TXNDC11: variants seen among roughly 807,000 people sequenced by gnomAD.
TXNDC11 encodes the protein thioredoxin domain-containing protein 11.
Under a neutral mutation model 78.0 loss-of-function variants are expected in TXNDC11, and 68 were observed. That is an observed-to-expected ratio of 0.87 (90% CI 0.72 to 1.07). The LOEUF (loss-of-function observed/expected upper bound fraction) is 1.07, where lower values mean the gene tolerates loss of function less well. TXNDC11 is among the 50% of genes least tolerant of loss of function. TXNDC11 has a pLI of 0.00. For synonymous variants in TXNDC11, 571 were observed against 495.2 expected, an observed-to-expected ratio of 1.15 and a Z score of -2.03; for missense variants, 1,389 against 1,221.8, an observed-to-expected ratio of 1.14 and a Z score of -2.04.
chr16:11,683,400 C>T (rs554432600), intron 11 of TXNDC11, among the ~76,000 whole-genome samples: 2 of 152,258 alleles, frequency 1.3e-5, no homozygotes, highest in Admixed American at 6.5e-5. Flanking sequence ...GAGAAAAGGA[C>T]GTGCCATGGG....
At chr16:11,698,838 C>T (rs1213206271) in intron 6 of TXNDC11, among the ~76,000 whole-genome samples, 2 of 152,174 alleles carry the variant, frequency 1.3e-5, no homozygotes, top group Non-Finnish European at 2.9e-5. Flanking sequence ...TAGACGAACA[C>T]CAGGCACACA....
chr16:11,713,824 T>C (rs1389803583), intron 5 of TXNDC11, among the ~76,000 whole-genome samples: 1 of 151,978 alleles, frequency 6.6e-6, no homozygotes, highest in African/African-American at 2.4e-5. Flanking sequence ...TGAGTGAGTA[T>C]AGTGACAACA....
rs1331289994 is a variant in TXNDC11 at position 11,736,368 on chromosome 16, A to G, written c.255-135T>C. On this transcript the variant is annotated intron_variant, in intron 1 of 11. Coordinates refer to ENST00000283033, the MANE Select transcript of TXNDC11 (RefSeq NM_015914.7). Reference sequence around the variant, plus strand: ...TGGAGTCCCAAAATCACTGCCCTAGAAAGGCAACATCTGGCTGAGCAAATG... The same window carrying G: ...TGGAGTCCCAAAATCACTGCCCTAGGAAGGCAACATCTGGCTGAGCAAATG... The G allele has an allele frequency of 6.0e-6, 4 of 670,146 alleles. No individual in the cohort carries two copies. The African/African-American group carries it at 7.2e-5, about 12-fold the overall frequency. 41.5% of individuals were successfully genotyped at this position (670,146 alleles called of 1,614,324 possible). A position where few individuals can be genotyped will look rare whatever the true frequency, so the allele number is the denominator to read the frequency against.
At chr16:11,730,612 G>C in intron 4 of TXNDC11, 33 bp downstream of exon 4, 4 of 1,607,450 alleles carry the variant, frequency 2.5e-6, no homozygotes, top group Middle Eastern at 1.7e-4. Flanking sequence ...GAAAGGCCTT[G>C]AGTATGGAGG....
rs1597400601 is a variant in TXNDC11, at chr16:11,684,061, C to T, written c.2234+104G>A. 3 of 829,158 alleles carry T rather than the reference C, an allele frequency of 3.6e-6. No homozygotes were observed. The East Asian group carries it at 8.6e-5, about 24-fold the overall frequency. 51.4% of individuals were successfully genotyped at this position (829,158 alleles called of 1,614,324 possible). The stretch of plus-strand genomic sequence containing the variant: ...CCACCACGCCTGGTTCCTAAGGGAA[C>T]ATTTTTTGAACATAATGAATGATTT... On this transcript the variant is annotated intron_variant, in intron 11 of 11. Coordinates refer to ENST00000283033, the MANE Select transcript of TXNDC11 (RefSeq NM_015914.7).
intron 4 of TXNDC11, among the ~76,000 whole-genome samples, chr16:11,726,849 G>A (rs2051894927): frequency 6.6e-6 from 1 of 152,046 alleles, no homozygotes; most frequent in African/African-American, 2.4e-5. Context: ...GAGGCTAGGA[G>A]TTCAAGACCA....
At chr16:11,735,240 C>G (rs1469383270) in intron 2 of TXNDC11, among the ~76,000 whole-genome samples, 1 of 152,172 alleles carries the variant, frequency 6.6e-6, no homozygotes, top group Admixed American at 6.5e-5. Context: ...AAGTCACCAA[C>G]ATATCACCTT....
At chr16:11,692,782 G>A (rs905631025) in intron 7 of TXNDC11, among the ~76,000 whole-genome samples, 8 of 152,064 alleles carry the variant, frequency 5.3e-5, no homozygotes, top group African/African-American at 1.9e-4. Context: ...CAAATGGTAC[G>A]CTGCCCATGA....
At chr16:11,696,654 G>C (rs986690125) in intron 7 of TXNDC11, among the ~76,000 whole-genome samples, 12 of 152,192 alleles carry the variant, frequency 7.9e-5, no homozygotes, top group African/African-American at 2.4e-4. Context: ...GAAGTTAAGG[G>C]AACGCACTCA....
At chr16:11,714,369 G>A (rs373739885) in intron 5 of TXNDC11, among the ~76,000 whole-genome samples, 2 of 152,144 alleles carry the variant, frequency 1.3e-5, no homozygotes, top group Non-Finnish European at 1.5e-5. Context: ...GGCCGCGCTC[G>A]TTGGCTCACG....
In TXNDC11 at chr16:11,681,171, C is replaced by CA. The variant is rs576169447; in HGVS notation, c.2235-1335dup. Among the ~76,000 whole-genome samples the CA allele has an allele frequency of 2.2e-4, 33 of 152,250 alleles. No homozygotes were observed. In the South Asian group the frequency reaches 6.2e-3, roughly 29 times the overall value. On this transcript the variant is annotated intron_variant, in intron 11 of 11. Coordinates refer to ENST00000283033, the MANE Select transcript of TXNDC11 (RefSeq NM_015914.7). The stretch of plus-strand genomic sequence containing the variant: ...TGGGCAACAGAGTCAGACCTTGTCT[C>CA]AAAAACAGAAAACCAAAAAACCCCA...
At chr16:11,731,666 A>G (rs562768306) in intron 3 of TXNDC11, among the ~76,000 whole-genome samples, 7 of 151,596 alleles carry the variant, frequency 4.6e-5, no homozygotes, top group Non-Finnish European at 1.0e-4. Context: ...TTATAATACC[A>G]TAATACATGG....
intron 11 of TXNDC11, 107 bp downstream of exon 11, chr16:11,684,058 G>A: frequency 3.8e-6 from 3 of 798,130 alleles, no homozygotes; most frequent in South Asian, 3.1e-5. Flanking sequence ...GTTCCTAAGG[G>A]AACATTTTTT....
intron 3 of TXNDC11, among the ~76,000 whole-genome samples, chr16:11,733,323 T>C (rs1453515653): frequency 6.6e-6 from 1 of 151,960 alleles, no homozygotes; most frequent in African/African-American, 2.4e-5. Context: ...TTTGTGACTT[T>C]AGAATTGTGG....
intron 1 of TXNDC11, among the ~76,000 whole-genome samples, chr16:11,740,708 A>G (rs1197279195): frequency 1.3e-5 from 2 of 152,254 alleles, no homozygotes; most frequent in African/African-American, 4.8e-5. Context: ...ACAATAAAGG[A>G]TTCAAATTCC....
chr16:11,679,745 CTGGAAGCAGG>C lies in TXNDC11; in HGVS notation c.2317_2326del (p.Pro773AlafsTer35). The C allele has an allele frequency of 5.0e-6, 8 of 1,614,114 alleles. No homozygotes were observed. Among genetic ancestry groups the C allele is most frequent in the Non-Finnish European group, 6.8e-6 (8 of 1,180,018 alleles). ...AGGAGAGTTAGCCACATTCTGGGGG[CTGGAAGCAGG>C]GTCTGAGTGATGCAAAATGAACCTC... On this transcript the variant is annotated frameshift_variant, in exon 12 of 12. Coordinates refer to ENST00000283033, the MANE Select transcript of TXNDC11 (RefSeq NM_015914.7). LOFTEE classifies it low-confidence loss of function (END_TRUNC). This position sits in a 1 kb window ranked among gnomAD's most constrained non-coding sequence, Gnocchi z 4.6.
intron 5 of TXNDC11, among the ~76,000 whole-genome samples, chr16:11,703,333 G>A (rs1449587394): frequency 1.3e-5 from 2 of 152,130 alleles, no homozygotes; most frequent in Non-Finnish European, 2.9e-5. Context: ...GTATAAGTTA[G>A]CAATTCTGAA....
At chr16:11,685,906 T>C (rs1039833493) in intron 10 of TXNDC11, among the ~76,000 whole-genome samples, 6 of 152,232 alleles carry the variant, frequency 3.9e-5, no homozygotes, top group African/African-American at 9.6e-5. Flanking sequence ...CAGAATTCCA[T>C]TGGGCTAAAT....
intron 10 of TXNDC11, among the ~76,000 whole-genome samples, chr16:11,686,117 C>T (rs1241842745): frequency 6.6e-6 from 1 of 152,136 alleles, no homozygotes; most frequent in East Asian, 1.9e-4. Context: ...TGCCGCCACA[C>T]TTGGCTAATT....
Sources: gnomAD v4.1 joint callset for allele counts (sites outside exome capture counted in the v4.1 genomes callset) on GRCh38, gnomAD v4.1.1 for gene constraint, Gnocchi (gnomAD v3.1) non-coding constraint, MANE v1.5 for transcripts, NCBI Gene and HGNC (gene_info 2026-07-23, HGNC 2026-07-21) for gene names.